The following BEND7 variants were observed in gnomAD, a reference collection of about 807,000 sequenced individuals.
BEND7 encodes the protein BEN domain containing 7.
A neutral mutation model predicts 50.9 loss-of-function variants in BEND7; 28 were observed. The observed-to-expected ratio is 0.55, with a 90% CI of 0.41 to 0.75. The LOEUF is 0.75. Among genes scored for constraint, BEND7 ranks in the 30% least tolerant of loss-of-function variants. BEND7 has a pLI of 0.00. For missense variants in BEND7, 477 were observed against 491.3 expected, an observed-to-expected ratio of 0.97 and a Z score of 0.28; for synonymous variants, 170 against 183.9, an observed-to-expected ratio of 0.92 and a Z score of 0.61.
rs138765503 is a variant in BEND7, at chr10:13,527,725, T to TA, written c.61+747_61+748insT. The TA allele has an allele frequency of 2.1e-3, 1,080 of 524,902 alleles. 15 individuals carry two copies. The African/African-American group carries it at 0.021, about 10-fold the overall frequency. 32.5% of individuals were successfully genotyped at this position (524,902 alleles called of 1,614,324 possible). ...CGATGGCTCTTGAGTTATCATTTTTTTAAAAAAAAAAGTCAAATCAGGAAG... is the reference window on the plus strand; with the variant it reads ...CGATGGCTCTTGAGTTATCATTTTTTATAAAAAAAAAAGTCAAATCAGGAAG... On this transcript the variant is annotated intron_variant, in intron 1 of 8. Transcript: ENST00000466271.
At chr10:13,462,471 A>G (rs10796082) in intron 6 of BEND7, among the ~76,000 whole-genome samples, 89,542 of 152,134 alleles carry the variant, frequency 0.59, 26,515 homozygotes, top group East Asian at 0.77. Flanking sequence ...TGCCCTTGAT[A>G]TGTGGGGATT....
intron 3 of BEND7, among the ~76,000 whole-genome samples, chr10:13,498,020 T>C (rs2077144593): frequency 6.6e-6 from 1 of 151,592 alleles, no homozygotes; most frequent in South Asian, 2.1e-4. Flanking sequence ...TTATAAATAA[T>C]CCCAATGAAA....
chr10:13,497,015 G>A, intron 3 of BEND7, 127 bp from the exon 4 acceptor site: 7 of 1,211,196 alleles, frequency 5.8e-6, no homozygotes, highest in Non-Finnish European at 7.7e-6. Flanking sequence ...TTATGATGAA[G>A]CTGTGCCTAA....
rs1192910797 is a variant in BEND7 at position 13,528,568 on chromosome 10, C to T, written c.-35G>A. The stretch of plus-strand genomic sequence containing the variant: ...AAGGCGGCGGCGGGGGCTGAGGAGG[C>T]GGCGGCAGCGGCGGCAGCGGCAGCG... On this transcript the variant is annotated 5_prime_UTR_variant, in exon 1 of 9. Coordinates refer to ENST00000466271, the MANE Select transcript of BEND7 (RefSeq NM_001369863.1). 2.2e-5 allele frequency: 15 copies of T among 681,750 alleles called. No homozygotes were observed. The highest frequency in any genetic ancestry group is 7.3e-4 in the Middle Eastern group (1 of 1,372). 42.2% of individuals were successfully genotyped at this position (681,750 alleles called of 1,614,324 possible). A position where few individuals can be genotyped will look rare whatever the true frequency, so the allele number is the denominator to read the frequency against.
At chr10:13,480,266 A>G (rs2075763765) in intron 6 of BEND7, among the ~76,000 whole-genome samples, 1 of 152,206 alleles carries the variant, frequency 6.6e-6, no homozygotes, top group Admixed American at 6.5e-5. Context: ...GTGCCCCTGC[A>G]TGGTCATCGT....
At chr10:13,463,636 G>A (rs1322489317) in intron 6 of BEND7, among the ~76,000 whole-genome samples, 1 of 151,620 alleles carries the variant, frequency 6.6e-6, no homozygotes, top group African/African-American at 2.4e-5. Context: ...AAACTTTGTT[G>A]GAAAAAAAAA....
chr10:13,524,750 T>C (rs1334646191), intron 2 of BEND7, among the ~76,000 whole-genome samples: 1 of 152,030 alleles, frequency 6.6e-6, no homozygotes, highest in East Asian at 1.9e-4. Context: ...TTTCACTTGA[T>C]TATTAACCTT....
In BEND7 at chr10:13,461,126, A is replaced by G. The variant is rs191848366; in HGVS notation, c.1064-8468T>C. Among the ~76,000 whole-genome samples the G allele has an allele frequency of 2.2e-3, 328 of 152,282 alleles. 2 individuals carry two copies. The highest frequency in any genetic ancestry group is 4.2e-3 in the Admixed American group (65 of 15,296). The stretch of plus-strand genomic sequence containing the variant: ...AGTGATGGCTGAGCTGAAACCAAAG[A>G]AAAAAGTGGAGGTGAGCTGAAGAAA... On this transcript the variant is annotated intron_variant, in intron 6 of 8. Coordinates refer to ENST00000466271, the MANE Select transcript of BEND7 (RefSeq NM_001369863.1).
At chr10:13,455,026 G>T (rs1298641175) in intron 6 of BEND7, among the ~76,000 whole-genome samples, 2 of 152,106 alleles carry the variant, frequency 1.3e-5, no homozygotes, top group African/African-American at 4.8e-5. Context: ...AAAAACATTA[G>T]CCGGGCATGG....
chr10:13,486,222 G>A (rs11258413), intron 5 of BEND7, among the ~76,000 whole-genome samples: 79,014 of 152,084 alleles, frequency 0.52, 21,422 homozygotes, highest in East Asian at 0.76. Context: ...AGAGAGGGGG[G>A]TCTCGCTTTG....
chr10:13,458,165 T>A (rs761762333), intron 6 of BEND7, among the ~76,000 whole-genome samples: 1 of 152,250 alleles, frequency 6.6e-6, no homozygotes, highest in East Asian at 1.9e-4. Context: ...TCCCAGATGC[T>A]AGCATTCATT....
At chr10:13,471,818 G>T (rs1051114174) in intron 6 of BEND7, among the ~76,000 whole-genome samples, 4 of 152,254 alleles carry the variant, frequency 2.6e-5, no homozygotes, top group African/African-American at 9.6e-5. Context: ...AGCTTCACAG[G>T]GGCTGTTGTG....
chr10:13,439,266 G>A (rs780674764), downstream of BEND7: 4 of 1,614,112 alleles, frequency 2.5e-6, no homozygotes, highest in East Asian at 2.2e-5. Flanking sequence ...AAGTGTAGCT[G>A]AGACCTGAGT....
chr10:13,476,765 G>A (rs1244801257), intron 6 of BEND7, among the ~76,000 whole-genome samples: 1 of 152,152 alleles, frequency 6.6e-6, no homozygotes, highest in African/African-American at 2.4e-5. Context: ...CATCAATTCT[G>A]AATCAAATCC....
chr10:13,474,938 T>C (rs61833870), intron 6 of BEND7, among the ~76,000 whole-genome samples: 1 of 152,226 alleles, frequency 6.6e-6, no homozygotes, highest in Non-Finnish European at 1.5e-5. Flanking sequence ...CAGAATCTCC[T>C]GTGGTTGTGT....
intron 6 of BEND7, among the ~76,000 whole-genome samples, chr10:13,464,414 C>T (rs4750363): frequency 6.6e-6 from 1 of 152,082 alleles, no homozygotes. Flanking sequence ...GCAAAAGTAC[C>T]GTGTGATGCT....
intron 6 of BEND7, among the ~76,000 whole-genome samples, chr10:13,454,851 A>T (rs1320857535): frequency 6.6e-6 from 1 of 152,190 alleles, no homozygotes; most frequent in Non-Finnish European, 1.5e-5. Context: ...CTGGTTTAAG[A>T]GGCACAGACA....
chr10:13,492,542 C>T, intron 5 of BEND7, 69 bp downstream of exon 5: 2 of 1,570,608 alleles, frequency 1.3e-6, no homozygotes, highest in Non-Finnish European at 8.7e-7. Flanking sequence ...AAAGGGAAAT[C>T]TATAAATACT....
chr10:13,439,190 G>C (rs1180351630), downstream of BEND7: 1 of 1,613,212 alleles, frequency 6.2e-7, no homozygotes, highest in Non-Finnish European at 8.5e-7. Flanking sequence ...AGAGGCAAGA[G>C]ATGTGAAGGG....
Sources: allele counts gnomAD v4.1 joint callset (sites outside exome capture counted in the v4.1 genomes callset), GRCh38; gene constraint gnomAD v4.1.1; transcripts MANE v1.5; gene names NCBI Gene and HGNC (gene_info 2026-07-23, HGNC 2026-07-21).